NID1: variants seen among roughly 807,000 people sequenced by gnomAD.
NID1 encodes nidogen 1.
NID1 carries 76 observed loss-of-function variants against 130.6 expected under a neutral mutation model. The observed-to-expected ratio is 0.58, with a 90% CI of 0.48 to 0.70. The LOEUF (loss-of-function observed/expected upper bound fraction) is 0.70, where lower values mean the gene tolerates loss of function less well. Ranked by LOEUF, NID1 falls within the 30% of genes least tolerant of loss-of-function variation. The pLI is 0.00. For missense variants in NID1, 1,517 were observed against 1,664.8 expected, an observed-to-expected ratio of 0.91 and a Z score of 1.54; for synonymous variants, 665 against 675.1, an observed-to-expected ratio of 0.98 and a Z score of 0.23.
chr1:236,013,766 T>C (rs191916820), intron 10 of NID1, among the ~76,000 whole-genome samples: 142 of 152,276 alleles, frequency 9.3e-4, no homozygotes, highest in African/African-American at 3.4e-3. Flanking sequence ...CTGATGGGTC[T>C]TGGCTGACTG....
At chr1:236,056,528 A>G (rs1016746316) in intron 1 of NID1, among the ~76,000 whole-genome samples, 6 of 152,244 alleles carry the variant, frequency 3.9e-5, no homozygotes, top group African/African-American at 1.4e-4. Flanking sequence ...TTTGAAATAT[A>G]CAATATTGGT....
At chr1:236,030,408 A>C (rs546342256) in intron 6 of NID1, among the ~76,000 whole-genome samples, 2 of 152,342 alleles carry the variant, frequency 1.3e-5, no homozygotes, top group South Asian at 2.1e-4. Context: ...AAATCTTGCC[A>C]GCTGCCTATT....
At chr1:236,059,358 C>A (rs770937443) in intron 1 of NID1, among the ~76,000 whole-genome samples, 13 of 152,190 alleles carry the variant, frequency 8.5e-5, no homozygotes, top group Non-Finnish European at 1.6e-4. Flanking sequence ...GTCCGGGACA[C>A]AATCAAGGTG....
intron 15 of NID1, among the ~76,000 whole-genome samples, chr1:235,981,985 G>C (rs576527711): frequency 3.0e-4 from 46 of 152,286 alleles, no homozygotes; most frequent in African/African-American, 1.1e-3. Context: ...CTCACTCTGT[G>C]GGTATCCATC....
chr1:236,029,018 A>C (rs1659019727), intron 7 of NID1, among the ~76,000 whole-genome samples: 1 of 152,042 alleles, frequency 6.6e-6, no homozygotes, highest in Non-Finnish European at 1.5e-5. Flanking sequence ...CTCTACTAAA[A>C]ATACAAAAAT....
At chr1:236,025,043 C>T (rs1266884714) in intron 8 of NID1, among the ~76,000 whole-genome samples, 5 of 151,326 alleles carry the variant, frequency 3.3e-5, no homozygotes, top group Non-Finnish European at 7.4e-5. Context: ...CTCCGCCTCC[C>T]AGGTTCAAGC....
At chr1:236,031,616 C>T (rs1046544679) in intron 6 of NID1, among the ~76,000 whole-genome samples, 1 of 152,154 alleles carries the variant, frequency 6.6e-6, no homozygotes, top group Non-Finnish European at 1.5e-5. Context: ...TCTAGGTCGT[C>T]GGAGGCAGTG....
chr1:236,061,473 T>C (rs1206641441), intron 1 of NID1, among the ~76,000 whole-genome samples: 2 of 152,178 alleles, frequency 1.3e-5, no homozygotes, highest in East Asian at 1.9e-4. Flanking sequence ...TTTTTTTGTT[T>C]TTTTTGAGAC....
At chr1:235,978,121 G>A (rs941258508) in intron 19 of NID1, 133 bp from the exon 20 acceptor site, 7 of 1,018,308 alleles carry the variant, frequency 6.9e-6, no homozygotes, top group Non-Finnish European at 1.0e-5. Flanking sequence ...GGCTTCAGGA[G>A]AATGGGGACA....
chr1:236,062,633 CAAAAAAAAA>C (rs56709890), intron 1 of NID1, among the ~76,000 whole-genome samples: 1,508 of 104,308 alleles, frequency 0.014, 33 homozygotes, highest in African/African-American at 0.051. Context: ...GACTCTGTCT[CAAAAAAAAA>C]AAAAAAAAAA....
intron 5 of NID1, among the ~76,000 whole-genome samples, chr1:236,035,814 C>G (rs3768083): frequency 0.12 from 18,506 of 152,092 alleles, 1,872 homozygotes; most frequent in East Asian, 0.42. Flanking sequence ...ATCATTACTC[C>G]GGGGAACACT....
chr1:236,050,187 G>T (rs72765462), intron 1 of NID1, among the ~76,000 whole-genome samples: 2,666 of 152,268 alleles, frequency 0.018, 49 homozygotes, highest in African/African-American at 0.048. Flanking sequence ...TCCAAAATTG[G>T]TCCTTTTCCA....
In NID1 at chr1:235,977,663, G is replaced by A. The variant is rs1657307786; in HGVS notation, c.*204C>T. ...GGTAGGGGTGGAGGGTTCTGTCCTT[G>A]TGTAGGGGTGGAGACTTTTCTATTA... On this transcript the variant is annotated 3_prime_UTR_variant, in exon 20 of 20. Transcript: ENST00000264187. 1.8e-6 allele frequency: 1 copy of A among 563,030 alleles called. No homozygotes were observed. Among genetic ancestry groups the A allele is most frequent in the South Asian group, 2.0e-5 (1 of 49,632 alleles). The allele number at this position is 563,030 out of a possible 1,614,324, so 34.9% of individuals were successfully genotyped here. A position where few individuals can be genotyped will look rare whatever the true frequency, so the allele number is the denominator to read the frequency against.
chr1:236,021,649 G>A (rs566208103), intron 9 of NID1, among the ~76,000 whole-genome samples: 1 of 152,210 alleles, frequency 6.6e-6, no homozygotes, highest in South Asian at 2.1e-4. Context: ...AGGGGTAGAG[G>A]GAGCTGTTCA....
chr1:235,993,961 T>TC (rs1281841654), intron 12 of NID1, 89 bp from the exon 13 acceptor site: 2 of 1,239,028 alleles, frequency 1.6e-6, no homozygotes, highest in Admixed American at 4.5e-5. Context: ...CGCAGCTCGC[T>TC]CAGAACCACG....
chr1:236,030,785 A>T (rs1659075469), intron 6 of NID1, among the ~76,000 whole-genome samples: 1 of 152,240 alleles, frequency 6.6e-6, no homozygotes, highest in Non-Finnish European at 1.5e-5. Context: ...ATTCAGAAGG[A>T]TCATTGGAGT....
At chr1:236,040,199 G>A (rs1016137719) in intron 4 of NID1, among the ~76,000 whole-genome samples, 4 of 152,112 alleles carry the variant, frequency 2.6e-5, no homozygotes, top group Admixed American at 2.6e-4. Context: ...CAACACATCT[G>A]GGGGAGATGA....
intron 3 of NID1, among the ~76,000 whole-genome samples, chr1:236,044,789 T>A (rs1484953318): frequency 2.0e-5 from 3 of 152,216 alleles, no homozygotes; most frequent in Non-Finnish European, 4.4e-5. Flanking sequence ...ACCATTTCTG[T>A]TGTAAGAATA....
intron 9 of NID1, among the ~76,000 whole-genome samples, chr1:236,020,053 A>C (rs952916902): frequency 0.014 from 1,927 of 137,792 alleles, 32 homozygotes; most frequent in Non-Finnish European, 0.02. Context: ...AAAAAAAAAA[A>C]AAAAACAAAA....
Sources: gnomAD v4.1 joint callset for allele counts (sites outside exome capture counted in the v4.1 genomes callset) on GRCh38, gnomAD v4.1.1 for gene constraint, MANE v1.5 for transcripts, NCBI Gene and HGNC (gene_info 2026-07-23, HGNC 2026-07-21) for gene names.